The following NPEPPS variants were observed in gnomAD, a reference collection of about 807,000 sequenced individuals.
NPEPPS encodes the protein puromycin-sensitive aminopeptidase.
A neutral mutation model predicts 115.5 loss-of-function variants in NPEPPS; 14 were observed. The ratio of observed to expected loss-of-function variants is 0.12; its 90% CI spans 0.08 to 0.19. The LOEUF is 0.19. NPEPPS is among the 10% of genes least tolerant of loss of function. NPEPPS has a pLI of 1.00. For missense variants in NPEPPS, 523 were observed against 1,110.8 expected, an observed-to-expected ratio of 0.47 and a Z score of 7.52; for synonymous variants, 285 against 390.6, an observed-to-expected ratio of 0.73 and a Z score of 3.19.
intron 2 of NPEPPS, among the ~76,000 whole-genome samples, chr17:47,558,987 G>A (rs1910252182): frequency 6.6e-6 from 1 of 151,398 alleles, no homozygotes; most frequent in African/African-American, 2.4e-5. Flanking sequence ...GCAGTGAACC[G>A]AGATTGCGCC....
At chr17:47,609,489 A>G (rs556761744) in intron 17 of NPEPPS, among the ~76,000 whole-genome samples, 1 of 152,368 alleles carries the variant, frequency 6.6e-6, no homozygotes, top group Non-Finnish European at 1.5e-5. Context: ...GCGTGTTAGT[A>G]CCAGAGCCAG....
At chr17:47,592,430 T>C in intron 11 of NPEPPS, 55 bp from the exon 12 acceptor site, 1 of 1,520,548 alleles carries the variant, frequency 6.6e-7, no homozygotes. Context: ...TATACAAATA[T>C]ACTATAAATT....
At chr17:47,529,918 T>TTTTATTTATTTA (rs200538359), upstream of NPEPPS, among the ~76,000 whole-genome samples, 1 of 58,368 alleles carries the variant, frequency 1.7e-5, no homozygotes, top group Non-Finnish European at 4.5e-5. Flanking sequence ...AAACATCCCA[T>TTTTATTTATTTA]TTTATTTATT....
intron 6 of NPEPPS, chr17:47,585,926 A>G (rs1567858813): frequency 3.5e-6 from 2 of 567,248 alleles, no homozygotes; most frequent in Non-Finnish European, 6.2e-6. Flanking sequence ...AATGGGTTGG[A>G]AAATATGTAG....
At chr17:47,601,431 A>G (rs1253602587) in intron 14 of NPEPPS, among the ~76,000 whole-genome samples, 177 bp from the exon 15 acceptor site, 2 of 152,084 alleles carry the variant, frequency 1.3e-5, no homozygotes, top group Admixed American at 6.6e-5. Context: ...TTAGTAAATG[A>G]TCCCTTCCTT....
chr17:47,609,218 CAA>C (rs2143944530), intron 17 of NPEPPS, among the ~76,000 whole-genome samples: 1 of 152,194 alleles, frequency 6.6e-6, no homozygotes, highest in East Asian at 1.9e-4. Context: ...GCTGAATAAT[CAA>C]GAGGAGTTGA....
At chr17:47,575,761 C>T (rs556118274) in intron 3 of NPEPPS, among the ~76,000 whole-genome samples, 10 of 151,632 alleles carry the variant, frequency 6.6e-5, no homozygotes, top group South Asian at 4.2e-4. Flanking sequence ...CCTGCCACCA[C>T]GCCCAGCTAA....
chr17:47,596,240 A>G, intron 12 of NPEPPS, 113 bp from the exon 13 acceptor site: 1 of 619,262 alleles, frequency 1.6e-6, no homozygotes, highest in Non-Finnish European at 2.8e-6. Flanking sequence ...TGTTTCCTGA[A>G]CCTGAAAGAA....
rs1396433988 is a variant in NPEPPS at position 47,619,135 on chromosome 17, G to A, written c.2530G>A (p.Gly844Arg). The A allele has an allele frequency of 6.2e-7, 1 of 1,613,628 alleles. No homozygotes were observed. The highest frequency in any genetic ancestry group is 2.2e-5 in the East Asian group (1 of 44,890). Residue 844 changes from glycine (G) to arginine (R), a missense_variant, in exon 21 of 23, where the codon GGA becomes AGA. By Grantham distance (125) the Gly-to-Arg change is moderately radical (BLOSUM62 -2). Coordinates refer to ENST00000322157, the MANE Select transcript of NPEPPS (RefSeq NM_006310.4). ...NWEELYNRYQGGFLISRLIKL... is the reference protein window; with the variant it reads ...NWEELYNRYQRGFLISRLIKL... ...GGAAGAACTTTATAACCGATACCAG[G>A]GAGGATTCTTAATATCCAGACTAAT...
At chr17:47,596,212 A>C in intron 12 of NPEPPS, 141 bp from the exon 13 acceptor site, 1 of 552,296 alleles carries the variant, frequency 1.8e-6, no homozygotes, top group Non-Finnish European at 3.3e-6. Flanking sequence ...TGGCAAGGGG[A>C]ATGTTAATTT....
chr17:47,589,288 C>T (rs560186927), intron 9 of NPEPPS, among the ~76,000 whole-genome samples: 7 of 152,258 alleles, frequency 4.6e-5, no homozygotes, highest in African/African-American at 1.4e-4. Flanking sequence ...TGGGATCTCA[C>T]TTTGTCACCC....
intron 13 of NPEPPS, among the ~76,000 whole-genome samples, chr17:47,598,213 G>A (rs1597876333): frequency 6.6e-6 from 1 of 151,238 alleles, no homozygotes. Flanking sequence ...AGTGGCTCAC[G>A]CCTGTACTTA....
At chr17:47,537,470 G>A (rs1296779827) in intron 1 of NPEPPS, among the ~76,000 whole-genome samples, 2 of 152,080 alleles carry the variant, frequency 1.3e-5, no homozygotes, top group East Asian at 3.9e-4. Context: ...GAGGTGGGTG[G>A]ATCATGAGGT....
chr17:47,614,687 C>T (rs906967542), intron 19 of NPEPPS, among the ~76,000 whole-genome samples: 2 of 152,150 alleles, frequency 1.3e-5, no homozygotes, highest in African/African-American at 4.8e-5. Context: ...CATACAGTTC[C>T]GGTCTATAAA....
At chr17:47,588,424 C>T (rs1912316885) in intron 9 of NPEPPS, among the ~76,000 whole-genome samples, 1 of 151,938 alleles carries the variant, frequency 6.6e-6, no homozygotes, top group African/African-American at 2.4e-5. Context: ...ATTAGCTGGG[C>T]GTGGTGGTGT....
At chr17:47,578,063 G>A (rs1911632166) in intron 3 of NPEPPS, among the ~76,000 whole-genome samples, 1 of 151,984 alleles carries the variant, frequency 6.6e-6, no homozygotes, top group Non-Finnish European at 1.5e-5. Context: ...AAATTAGCCA[G>A]GCGTGGTGAT....
chr17:47,540,043 T>C (rs1908639691), intron 1 of NPEPPS, among the ~76,000 whole-genome samples: 2 of 152,224 alleles, frequency 1.3e-5, no homozygotes, highest in Admixed American at 6.5e-5. Flanking sequence ...CCTGAGTGAC[T>C]GTAGTAAAGA....
rs1173008403 is a variant in NPEPPS, at chr17:47,622,960, G to A, written c.*1040G>A. The A allele has an allele frequency of 2.2e-6, 1 of 455,446 alleles. No homozygotes were observed. Among genetic ancestry groups the A allele is most frequent in the Non-Finnish European group, 4.4e-6 (1 of 226,666 alleles). The allele number at this position is 455,446 out of a possible 1,614,324, so 28.2% of individuals were successfully genotyped here. On this transcript the variant is annotated 3_prime_UTR_variant, in exon 23 of 23. Coordinates refer to ENST00000322157, the MANE Select transcript of NPEPPS (RefSeq NM_006310.4). ...AGGGCTTAATACATTAGTGGTAACTGGTTTAAAAAACAAAGACTGTAAGCC... is the reference window on the plus strand; with the variant it reads ...AGGGCTTAATACATTAGTGGTAACTAGTTTAAAAAACAAAGACTGTAAGCC...
chr17:47,562,641 T>C (rs1910510690), intron 2 of NPEPPS, among the ~76,000 whole-genome samples: 1 of 151,876 alleles, frequency 6.6e-6, no homozygotes, highest in Non-Finnish European at 1.5e-5. Context: ...TGTATATGTG[T>C]GTGTTTGTAG....
Sources: gnomAD v4.1 joint callset for allele counts (sites outside exome capture counted in the v4.1 genomes callset) on GRCh38, gnomAD v4.1.1 for gene constraint, MANE v1.5 for transcripts, NCBI Gene and HGNC (gene_info 2026-07-23, HGNC 2026-07-21) for gene names.